STAC: variants seen among roughly 807,000 people sequenced by gnomAD.
STAC encodes the protein SH3 and cysteine-rich domain-containing protein.
In STAC, 43 loss-of-function variants were observed where a neutral mutation model predicts 48.8. That is an observed-to-expected ratio of 0.88 (90% CI 0.69 to 1.14). The LOEUF (loss-of-function observed/expected upper bound fraction) is 1.14. STAC is among the 50% of genes most tolerant of loss of function. The pLI is 0.00. For missense variants in STAC, 497 were observed against 504.0 expected (o/e 0.99, Z 0.13); for synonymous variants, 193 against 179.5 (o/e 1.07, Z -0.60).
At chr3:36,386,288 TC>T (rs1365029777) in intron 1 of STAC, among the ~76,000 whole-genome samples, 1 of 151,948 alleles carries the variant, frequency 6.6e-6, no homozygotes, top group African/African-American at 2.4e-5. Flanking sequence ...GTTGTTCAAG[TC>T]TTTTGCCATT....
At chr3:36,393,513 T>C (rs1050570416) in intron 1 of STAC, among the ~76,000 whole-genome samples, 2 of 152,004 alleles carry the variant, frequency 1.3e-5, no homozygotes, top group African/African-American at 4.8e-5. Flanking sequence ...CTGACTGCTA[T>C]GGGCTGAATA....
intron 10 of STAC, among the ~76,000 whole-genome samples, chr3:36,533,751 A>C (rs1338508393): frequency 2.0e-5 from 3 of 151,906 alleles, no homozygotes; most frequent in Non-Finnish European, 4.4e-5. Context: ...TGGGGTGTGG[A>C]GGAGGTAAGG....
At chr3:36,471,444 T>C (rs943642798) in intron 2 of STAC, among the ~76,000 whole-genome samples, 2 of 152,114 alleles carry the variant, frequency 1.3e-5, no homozygotes, top group African/African-American at 4.8e-5. Flanking sequence ...AATCATGCTT[T>C]CCCAACAGTC....
At chr3:36,492,352 G>C (rs993059154) in intron 5 of STAC, among the ~76,000 whole-genome samples, 1 of 152,040 alleles carries the variant, frequency 6.6e-6, no homozygotes, top group Non-Finnish European at 1.5e-5. Context: ...ATGCTTAAGA[G>C]CACGAGCTCT....
intron 8 of STAC, among the ~76,000 whole-genome samples, chr3:36,515,399 G>A (rs1481878180): frequency 6.6e-6 from 1 of 152,108 alleles, no homozygotes; most frequent in Non-Finnish European, 1.5e-5. Flanking sequence ...GGGAAAAAGA[G>A]ATGCAAGCTA....
intron 2 of STAC, among the ~76,000 whole-genome samples, chr3:36,474,331 C>G (rs905717663): frequency 6.6e-6 from 1 of 152,186 alleles, no homozygotes; most frequent in African/African-American, 2.4e-5. Flanking sequence ...ACTTTTGGCA[C>G]CTGCAAACTC....
intron 2 of STAC, among the ~76,000 whole-genome samples, chr3:36,448,856 T>C (rs952978339): frequency 1.3e-5 from 2 of 151,072 alleles, no homozygotes; most frequent in Non-Finnish European, 2.9e-5. Context: ...GGTAAGAGGA[T>C]AGCTTGAGGC....
chr3:36,449,535 T>C (rs1267808296), intron 2 of STAC, among the ~76,000 whole-genome samples: 2 of 152,330 alleles, frequency 1.3e-5, no homozygotes, highest in East Asian at 3.9e-4. Flanking sequence ...ATGTGGCTTG[T>C]ACACAGCACC....
intron 1 of STAC, among the ~76,000 whole-genome samples, chr3:36,422,727 T>C (rs1239307656): frequency 6.6e-6 from 1 of 152,156 alleles, no homozygotes; most frequent in Non-Finnish European, 1.5e-5. Flanking sequence ...AAAGTTTTTT[T>C]AAGTTGCTGT....
chr3:36,437,998 G>A (rs896925149), intron 1 of STAC, among the ~76,000 whole-genome samples: 6 of 150,282 alleles, frequency 4.0e-5, no homozygotes, highest in Admixed American at 3.3e-4. Context: ...GAGTGCAATG[G>A]TGTGATCTTG....
chr3:36,435,564 T>G (rs546524393), intron 1 of STAC, among the ~76,000 whole-genome samples: 1 of 152,122 alleles, frequency 6.6e-6, no homozygotes, highest in South Asian at 2.1e-4. Flanking sequence ...CCTTCAGATA[T>G]TGCCTCTTTT....
intron 1 of STAC, among the ~76,000 whole-genome samples, chr3:36,431,931 T>C (rs1700714526): frequency 6.6e-6 from 1 of 152,220 alleles, no homozygotes. Flanking sequence ...TAAATTGAGA[T>C]TGGTCCTTGG....
intron 1 of STAC, among the ~76,000 whole-genome samples, chr3:36,432,460 C>T (rs992663565): frequency 5.3e-5 from 8 of 152,076 alleles, no homozygotes; most frequent in African/African-American, 1.2e-4. Flanking sequence ...TCAGCACTTC[C>T]GGAGGCCGAG....
At chr3:36,477,738 A>C (rs1380812227) in intron 2 of STAC, among the ~76,000 whole-genome samples, 1 of 152,160 alleles carries the variant, frequency 6.6e-6, no homozygotes, top group African/African-American at 2.4e-5. Context: ...TCGTGACTAA[A>C]ATTTTTAATA....
chr3:36,472,689 T>C (rs528901254), intron 2 of STAC, among the ~76,000 whole-genome samples: 2 of 152,340 alleles, frequency 1.3e-5, no homozygotes, highest in East Asian at 3.9e-4. Context: ...TGCTAAAACA[T>C]AACAAAAGTC....
At chr3:36,490,562 T>A (rs981928488) in intron 5 of STAC, among the ~76,000 whole-genome samples, 2 of 152,076 alleles carry the variant, frequency 1.3e-5, no homozygotes, top group Non-Finnish European at 1.5e-5. Flanking sequence ...GAAGGGCAAC[T>A]GAAAAGCCAG....
At chr3:36,474,981 T>C (rs1697451372) in intron 2 of STAC, among the ~76,000 whole-genome samples, 1 of 152,168 alleles carries the variant, frequency 6.6e-6, no homozygotes, top group South Asian at 2.1e-4. Flanking sequence ...TGACTTCTCA[T>C]ACAATGGCTT....
In STAC at chr3:36,390,678, G is replaced by T. The variant is rs567098916; in HGVS notation, c.111+9924G>T. Among the ~76,000 whole-genome samples, 31 of 151,966 alleles carry T rather than the reference G, an allele frequency of 2.0e-4. No homozygotes were observed. The South Asian group carries it at 6.4e-3, about 32-fold the overall frequency. ...ACTGTCACTTTTGTGTTCTTGGTCA[G>T]ATTTTATTTTTAAGGCTATGCCAAG... On this transcript the variant is annotated intron_variant, in intron 1 of 10. Transcript: ENST00000273183.
rs183643653 is a variant in STAC, at chr3:36,472,176, T to C, written c.389-10816T>C. Among the ~76,000 whole-genome samples the C allele has an allele frequency of 1.7e-3, 266 of 152,360 alleles. 2 individuals carry two copies. The highest frequency in any genetic ancestry group is 2.5e-3 in the Non-Finnish European group (168 of 68,036). ...AACACCACATAGAAGCTGCCACGGC[T>C]TGGGGCTTCCACCCTCTGAAACCAC... On this transcript the variant is annotated intron_variant, in intron 2 of 10. Coordinates refer to ENST00000273183, the MANE Select transcript of STAC (RefSeq NM_003149.3).
Sources: gnomAD v4.1 joint callset for allele counts (sites outside exome capture counted in the v4.1 genomes callset) on GRCh38, gnomAD v4.1.1 for gene constraint, MANE v1.5 for transcripts, NCBI Gene and HGNC (gene_info 2026-07-23, HGNC 2026-07-21) for gene names.